The following CNNM4 variants were observed in gnomAD, a reference collection of about 807,000 sequenced individuals.
The protein encoded by CNNM4 is metal transporter CNNM4.
A neutral mutation model predicts 53.7 loss-of-function variants in CNNM4; 32 were observed. The ratio of observed to expected loss-of-function variants is 0.60; its 90% CI spans 0.45 to 0.80. The LOEUF (loss-of-function observed/expected upper bound fraction) is 0.80, where lower values mean the gene tolerates loss of function less well. Ranked by LOEUF, CNNM4 falls within the 30% of genes least tolerant of loss-of-function variation. The pLI is 0.00. For missense variants in CNNM4, 784 were observed against 1,022.0 expected (o/e 0.77, Z 3.17); for synonymous variants, 410 against 440.0 (o/e 0.93, Z 0.85).
chr2:96,806,143 G>T (rs570457014), intron 5 of CNNM4, among the ~76,000 whole-genome samples: 10,167 of 143,142 alleles, frequency 0.071, 1,161 homozygotes, highest in African/African-American at 0.27. Flanking sequence ...CCCCCCCACC[G>T]CCCTCCCGGA....
intron 1 of CNNM4, among the ~76,000 whole-genome samples, chr2:96,792,173 G>A (rs1377889903): frequency 6.7e-6 from 1 of 150,120 alleles, no homozygotes; most frequent in African/African-American, 2.5e-5. Context: ...TGGAACCTGT[G>A]AGGTGGAGAT....
At position 96,785,972 on chromosome 2, in the gene CNNM4, A is replaced by T. The variant is rs2079013146; in HGVS notation, c.1403-11040A>T. The stretch of plus-strand genomic sequence containing the variant: ...CATGGTGGCGGGCGCCTATAGTCTC[A>T]GCTACTCAGGAGGCTGAGGCAGGAG... On this transcript the variant is annotated intron_variant, in intron 1 of 6. Coordinates refer to ENST00000377075, the MANE Select transcript of CNNM4 (RefSeq NM_020184.4). Among the ~76,000 whole-genome samples, 3 of 151,842 alleles carry T rather than the reference A, an allele frequency of 2.0e-5. 1 individual carries two copies. In the South Asian group the frequency reaches 6.2e-4, roughly 31 times the overall value.
In CNNM4 at chr2:96,790,745, C is replaced by G. The variant is rs1264773637; in HGVS notation, c.1403-6267C>G. Among the ~76,000 whole-genome samples the G allele has an allele frequency of 5.4e-5, 8 of 147,028 alleles. No individual in the cohort carries two copies. The East Asian group carries it at 1.2e-3, about 23-fold the overall frequency. On this transcript the variant is annotated intron_variant, in intron 1 of 6. Coordinates refer to ENST00000377075, the MANE Select transcript of CNNM4 (RefSeq NM_020184.4). ...TTGTAATCCCAGCACTTTGGGAGGC[C>G]GAGGTGGGCGGATGGATCACTTGAG...
Position 96,797,186 on chromosome 2 carries a change from C to A in CNNM4, c.1546+31C>A, listed in dbSNP as rs202226315. 32 of 1,613,684 alleles carry A rather than the reference C, an allele frequency of 2.0e-5. No homozygotes were observed. The African/African-American group carries it at 4.1e-4, about 21-fold the overall frequency. ...TCCAGCCTTCCACAGGGCCCAGGAC[C>A]CCTTTCCTGCTTGGATCGAAACTTG... On this transcript the variant is annotated intron_variant, in intron 2 of 6. Coordinates refer to ENST00000377075, the MANE Select transcript of CNNM4 (RefSeq NM_020184.4). The surrounding 1 kb of genome is among the most constrained non-coding windows in gnomAD (Gnocchi z 6.0).
At chr2:96,807,295 C>T (rs748321884) in intron 5 of CNNM4, among the ~76,000 whole-genome samples, 6 of 152,166 alleles carry the variant, frequency 3.9e-5, no homozygotes, top group Non-Finnish European at 7.3e-5. Context: ...TGAGCCACCT[C>T]GCCCAGCCCC....
At chr2:96,770,275 C>T (rs1159163323) in intron 1 of CNNM4, among the ~76,000 whole-genome samples, 3 of 152,196 alleles carry the variant, frequency 2.0e-5, no homozygotes, top group African/African-American at 4.8e-5. Flanking sequence ...TAGGAAATCC[C>T]GCTCCAGTGT....
At chr2:96,779,774 A>C (rs911846892) in intron 1 of CNNM4, among the ~76,000 whole-genome samples, 6 of 151,568 alleles carry the variant, frequency 4.0e-5, no homozygotes, top group African/African-American at 1.5e-4. Flanking sequence ...ATGGAATTGC[A>C]CTGAATCTAC....
chr2:96,773,262 G>C (rs759003279), intron 1 of CNNM4, among the ~76,000 whole-genome samples: 12 of 152,234 alleles, frequency 7.9e-5, no homozygotes, highest in South Asian at 4.1e-4. Flanking sequence ...CATCCACATT[G>C]AAGACTGTGT....
chr2:96,795,626 A>C (rs1237511685), intron 1 of CNNM4, among the ~76,000 whole-genome samples: 1 of 152,098 alleles, frequency 6.6e-6, no homozygotes, highest in Non-Finnish European at 1.5e-5. Flanking sequence ...CTGTGGCCTT[A>C]AAGACCTGGA....
Position 96,797,297 on chromosome 2 carries a change from G to A in CNNM4, c.1546+142G>A, listed in dbSNP as rs1192783059. The A allele has an allele frequency of 4.8e-5, 65 of 1,354,548 alleles. No individual in the cohort carries two copies. The highest frequency in any genetic ancestry group is 5.7e-5 in the Non-Finnish European group (55 of 965,822). 83.9% of individuals were successfully genotyped at this position (1,354,548 alleles called of 1,614,324 possible). On this transcript the variant is annotated intron_variant, in intron 2 of 6. Transcript: ENST00000377075. This position sits in a 1 kb window ranked among gnomAD's most constrained non-coding sequence, Gnocchi z 6.0. ...AGTGGCTGGGTGCCCTGCACTGGCC[G>A]GGGTGAGCAGGGAGCAGGTTGCTGA...
chr2:96,803,698 C>T (rs1436351661), intron 5 of CNNM4, among the ~76,000 whole-genome samples: 1 of 150,930 alleles, frequency 6.6e-6, no homozygotes, highest in African/African-American at 2.5e-5. Flanking sequence ...TGCGCTCTAG[C>T]CTGGGCAACA....
rs1318657458 is a variant in CNNM4 at position 96,762,293 on chromosome 2, C to G, written c.1294C>G (p.Pro432Ala). ...CGTCAAAGACTTGGCCTTTGTGGAC[C>G]CCGATGACTGCACCCCCCTCAAGAC... is the stretch of plus-strand genomic sequence containing the variant. Reference protein sequence around the residue: ...LYVKDLAFVDPDDCTPLKTIT... With the variant: ...LYVKDLAFVDADDCTPLKTIT... The change falls in exon 1 of 7, where the codon CCC (proline) becomes GCC (alanine). Residue 432 changes from proline to alanine, a missense_variant. By Grantham distance (27) the Pro-to-Ala change is conservative. Around this residue, in one of 3 missense-constraint regions of CNNM4, gnomAD observed 473 missense variants for 624.6 expected, o/e 0.76. Transcript: ENST00000377075. 15 of 1,614,064 alleles carry G rather than the reference C, an allele frequency of 9.3e-6. No homozygotes were observed. Among genetic ancestry groups the G allele is most frequent in the Non-Finnish European group, 1.3e-5 (15 of 1,180,018 alleles).
At chr2:96,803,225 G>A (rs1339040624) in intron 5 of CNNM4, among the ~76,000 whole-genome samples, 2 of 152,146 alleles carry the variant, frequency 1.3e-5, no homozygotes, top group African/African-American at 4.8e-5. Context: ...ATGGCCGGGA[G>A]GTGATGCACC....
intron 1 of CNNM4, among the ~76,000 whole-genome samples, chr2:96,771,430 T>G (rs2078868599): frequency 6.6e-6 from 1 of 152,048 alleles, no homozygotes; most frequent in Non-Finnish European, 1.5e-5. Flanking sequence ...CATGGCTGGA[T>G]GCAGTGGTTC....
chr2:96,806,529 ACACACACGCG>A (rs2079208382), intron 5 of CNNM4, among the ~76,000 whole-genome samples: 1 of 142,380 alleles, frequency 7.0e-6, no homozygotes, highest in African/African-American at 2.6e-5. Flanking sequence ...ACACACACAC[ACACACACGCG>A]CGCGCGCGCG....
At chr2:96,806,866 C>G (rs1005196404) in intron 5 of CNNM4, among the ~76,000 whole-genome samples, 21 of 152,078 alleles carry the variant, frequency 1.4e-4, no homozygotes, top group African/African-American at 5.1e-4. Flanking sequence ...AACTCTTATT[C>G]GAGATTCGAG....
At chr2:96,770,519 T>C (rs959343706) in intron 1 of CNNM4, among the ~76,000 whole-genome samples, 5 of 152,308 alleles carry the variant, frequency 3.3e-5, no homozygotes, top group African/African-American at 1.2e-4. Context: ...CTGGGAGAGC[T>C]TGGACAAGAC....
chr2:96,790,643 C>T (rs1456551496), intron 1 of CNNM4, among the ~76,000 whole-genome samples: 28 of 151,000 alleles, frequency 1.9e-4, no homozygotes, highest in Non-Finnish European at 3.0e-4. Flanking sequence ...CATGAGCCAC[C>T]GCGCCCGGCC....
intron 1 of CNNM4, among the ~76,000 whole-genome samples, chr2:96,783,922 T>G (rs1188333418): frequency 6.6e-6 from 1 of 152,208 alleles, no homozygotes; most frequent in Non-Finnish European, 1.5e-5. Context: ...ACAATATATG[T>G]GATCCAATTT....
Sources: gnomAD v4.1 joint callset for allele counts (sites outside exome capture counted in the v4.1 genomes callset) on GRCh38, gnomAD v4.1.1 for gene constraint, gnomAD v4.1.1 regional missense constraint, Gnocchi (gnomAD v3.1) non-coding constraint, MANE v1.5 for transcripts, NCBI Gene and HGNC (gene_info 2026-07-23, HGNC 2026-07-21) for gene names.